Variants in FAM107A observed in about 807,000 individuals in gnomAD.
FAM107A encodes the protein family with sequence similarity 107 member A.
In FAM107A, 19 loss-of-function variants were observed where a neutral mutation model predicts 13.7. The ratio of observed to expected loss-of-function variants is 1.38; its 90% confidence interval spans 0.97 to 2.03. FAM107A has a LOEUF of 2.03. FAM107A is among the 30% of genes most tolerant of loss of function. FAM107A has a pLI of 0.00. For synonymous variants in FAM107A, 82 were observed against 74.5 expected, an observed-to-expected ratio of 1.10 and a Z score of -0.52; for missense variants, 203 against 184.4, an observed-to-expected ratio of 1.10 and a Z score of -0.58.
rs1042050059 is a variant in FAM107A, at chr3:58,626,849, G to C, written c.-70+567C>G. 9.9e-6 allele frequency: 9 copies of C among 908,722 alleles called. No homozygotes were observed. In the African/African-American group the frequency reaches 1.5e-4, roughly 15 times the overall value. 56.3% of individuals were successfully genotyped at this position (908,722 alleles called of 1,614,324 possible). Reference sequence around the variant, plus strand: ...TGCAAGTCTTGGCTGTGAGTTCCAGGGGGAGGGCTGGTGGGCACTGCCGGC... The same window carrying C: ...TGCAAGTCTTGGCTGTGAGTTCCAGCGGGAGGGCTGGTGGGCACTGCCGGC... On this transcript the variant is annotated intron_variant, in intron 1 of 3. Transcript: ENST00000465970.
intron 1 of FAM107A, among the ~76,000 whole-genome samples, chr3:58,614,506 C>CTTTTTTTTTTTT: frequency 7.2e-6 from 1 of 139,412 alleles, no homozygotes. Context: ...TTCTTTCTTT[C>CTTTTTTTTTTTT]TTTTTTTTTT....
intron 3 of FAM107A, chr3:58,566,993 G>C: frequency 1.6e-6 from 1 of 627,480 alleles, no homozygotes; most frequent in South Asian, 1.9e-5. Context: ...GCAGTACACT[G>C]GGCCAGTGAG....
chr3:58,596,054 A>C (rs951970945), intron 1 of FAM107A, among the ~76,000 whole-genome samples: 4 of 152,232 alleles, frequency 2.6e-5, no homozygotes, highest in African/African-American at 9.6e-5. Flanking sequence ...AATGTACAAT[A>C]TGCCCCAATA....
chr3:58,626,192 A>T (rs1559490075), intron 1 of FAM107A, among the ~76,000 whole-genome samples: 1 of 149,732 alleles, frequency 6.7e-6, no homozygotes, highest in Non-Finnish European at 1.5e-5. Context: ...CTGGTGAGTA[A>T]ATGCAGGCCC....
rs1283095991 is a variant in FAM107A at position 58,564,541 on chromosome 3, C to T, written c.*2047G>A. 3 of 152,260 alleles carry T rather than the reference C, an allele frequency of 2.0e-5. No individual in the cohort carries two copies. The highest frequency in any genetic ancestry group is 1.9e-4 in the East Asian group (1 of 5,196). 9.4% of individuals were successfully genotyped at this position (152,260 alleles called of 1,614,324 possible). On this transcript the variant is annotated 3_prime_UTR_variant, in exon 4 of 4. Coordinates refer to ENST00000360997, the MANE Select transcript of FAM107A (RefSeq NM_001076778.3). The surrounding 1 kb of genome is among the most constrained non-coding windows in gnomAD (Gnocchi z 5.6). Reference sequence around the variant, plus strand: ...TCGTCTGCACGGCTGCCCTGGAGGGCGTGGTGCTTGAGGTCCCTTCTACCT... The same window carrying T: ...TCGTCTGCACGGCTGCCCTGGAGGGTGTGGTGCTTGAGGTCCCTTCTACCT...
chr3:58,619,726 C>T (rs1257093217), intron 1 of FAM107A, among the ~76,000 whole-genome samples: 1 of 152,232 alleles, frequency 6.6e-6, no homozygotes, highest in Non-Finnish European at 1.5e-5. Flanking sequence ...GCCTAAGTGC[C>T]ATTCACTCAT....
In FAM107A at chr3:58,569,892, C is replaced by T; in HGVS notation, c.-5-27G>A. 1.2e-6 allele frequency: 2 copies of T among 1,603,056 alleles called. No individual in the cohort carries two copies. The highest frequency in any genetic ancestry group is 2.2e-5 in the East Asian group (1 of 44,690). The stretch of plus-strand genomic sequence containing the variant: ...TGTAGAGATGGGCAGAGGAGTAGCT[C>T]AGAGCTGAGCCTATAATCTCACCCT... On this transcript the variant is annotated intron_variant, in intron 1 of 3. Transcript: ENST00000360997. This position sits in a 1 kb window ranked among gnomAD's most constrained non-coding sequence, Gnocchi z 5.7.
chr3:58,593,714 C>T (rs1390106667), intron 1 of FAM107A, among the ~76,000 whole-genome samples: 2 of 152,056 alleles, frequency 1.3e-5, no homozygotes, highest in Non-Finnish European at 2.9e-5. Context: ...TCCTCCTTAG[C>T]GAACAATTGC....
intron 1 of FAM107A, among the ~76,000 whole-genome samples, chr3:58,598,699 C>T (rs149027551): frequency 1.3e-5 from 2 of 152,316 alleles, no homozygotes; most frequent in Admixed American, 6.5e-5. Flanking sequence ...AGCCATGCCC[C>T]AATCTCACCC....
Position 58,566,634 on chromosome 3 carries a change from T to A in FAM107A, c.389A>T (p.Asn130Ile). 4 of 1,613,944 alleles carry A rather than the reference T, an allele frequency of 2.5e-6. No homozygotes were observed. Among genetic ancestry groups the A allele is most frequent in the Non-Finnish European group, 3.4e-6 (4 of 1,179,938 alleles). ...GGTCAGTGTGGCAATTCTCCGCAGGTTTTCCCTGACTTTAATAAACTCGGG... is the reference window on the plus strand; with the variant it reads ...GGTCAGTGTGGCAATTCTCCGCAGGATTTCCCTGACTTTAATAAACTCGGG... ...HAPEFIKVRE[N>I]LRRIATLTSE... The change falls in exon 4 of 4, where the codon AAC (asparagine) becomes ATC (isoleucine). Residue 130 changes from asparagine (N) to isoleucine (I), a missense_variant. By Grantham distance (149) the Asn-to-Ile change is moderately radical. Transcript: ENST00000360997.
At chr3:58,583,240 G>A (rs1029430481) in intron 1 of FAM107A, among the ~76,000 whole-genome samples, 1 of 152,252 alleles carries the variant, frequency 6.6e-6, no homozygotes, top group African/African-American at 2.4e-5. Context: ...GTGGCCGCCC[G>A]TGGTTAGTGG....
chr3:58,583,614 C>T (rs937436016), intron 1 of FAM107A, among the ~76,000 whole-genome samples: 3 of 100,562 alleles, frequency 3.0e-5, no homozygotes, highest in Non-Finnish European at 6.4e-5. Flanking sequence ...AAGAGCAAAA[C>T]TCTGTCAAAA....
chr3:58,586,579 C>T (rs184226161), intron 1 of FAM107A, among the ~76,000 whole-genome samples: 1 of 152,192 alleles, frequency 6.6e-6, no homozygotes, highest in South Asian at 2.1e-4. Flanking sequence ...GTCCCAGCTA[C>T]TCGGGAGGCT....
chr3:58,620,387 G>A (rs1364983130), intron 1 of FAM107A, among the ~76,000 whole-genome samples: 5 of 152,316 alleles, frequency 3.3e-5, no homozygotes, highest in South Asian at 2.1e-4. Context: ...ATGCACATGC[G>A]GTTCTGAGAC....
rs935850648 is a variant in FAM107A at position 58,577,211 on chromosome 3, C to T, written c.-6+98G>A. ...TCAAAGCACTCAGGTCCACTGACAGCCCACTTCAGTGTACCGGGTCTGCCC... is the reference window on the plus strand; with the variant it reads ...TCAAAGCACTCAGGTCCACTGACAGTCCACTTCAGTGTACCGGGTCTGCCC... On this transcript the variant is annotated intron_variant, in intron 1 of 3. Transcript: ENST00000360997. This position sits in a 1 kb window ranked among gnomAD's most constrained non-coding sequence, Gnocchi z 4.9. 47 of 477,706 alleles carry T rather than the reference C, an allele frequency of 9.8e-5. No homozygotes were observed. The highest frequency in any genetic ancestry group is 1.3e-4 in the Non-Finnish European group (47 of 365,956). 29.6% of individuals were successfully genotyped at this position (477,706 alleles called of 1,614,324 possible).
At chr3:58,623,629 G>A (rs1044266368) in intron 1 of FAM107A, among the ~76,000 whole-genome samples, 2 of 152,232 alleles carry the variant, frequency 1.3e-5, no homozygotes, top group Admixed American at 6.5e-5. Context: ...TGTGAGCACT[G>A]TTGTGTTTCC....
rs2063694017 is a variant in FAM107A at position 58,572,473 on chromosome 3, C to G, written c.-5-2608G>C. ...AGGAGGCCATTTGGGGCCTAGGGAA[C>G]AGCATGTGTGACTCATGTACCTTGA... On this transcript the variant is annotated intron_variant, in intron 1 of 3. Coordinates refer to ENST00000360997, the MANE Select transcript of FAM107A (RefSeq NM_001076778.3). Among the ~76,000 whole-genome samples, 2 of 152,190 alleles carry G rather than the reference C, an allele frequency of 1.3e-5. 1 individual carries two copies. Among genetic ancestry groups the G allele is most frequent in the South Asian group, 4.1e-4 (2 of 4,824 alleles).
upstream of FAM107A, among the ~76,000 whole-genome samples, chr3:58,582,120 T>C (rs2065555020): frequency 1.3e-5 from 2 of 152,258 alleles, no homozygotes; most frequent in African/African-American, 4.8e-5. Flanking sequence ...CCTGGCAGCA[T>C]AGTTGCTAGA....
At position 58,618,880 on chromosome 3, in the gene FAM107A, T is replaced by C. The variant is rs115564563; in HGVS notation, c.-70+8536A>G. ...TTTTCTCTTTGTGTTTTGCCTCTTG[T>C]GTCTTTGTCTCTGTGTCTCTGTCTT... On this transcript the variant is annotated intron_variant, in intron 1 of 3. Coordinates refer to the FAM107A transcript ENST00000465970. Among the ~76,000 whole-genome samples the C allele has an allele frequency of 1.7e-3, 254 of 152,382 alleles. 1 individual carries two copies. The highest frequency in any genetic ancestry group is 5.9e-3 in the African/African-American group (247 of 41,598).
Sources: gnomAD v4.1 joint callset for allele counts (sites outside exome capture counted in the v4.1 genomes callset) on GRCh38, gnomAD v4.1.1 for gene constraint, Gnocchi (gnomAD v3.1) non-coding constraint, MANE v1.5 for transcripts, NCBI Gene and HGNC (gene_info 2026-07-23, HGNC 2026-07-21) for gene names.